Variants in NAV1 observed in about 807,000 individuals in gnomAD.
NAV1 encodes the protein pore membrane and/or filament interacting like protein 3.
NAV1 carries 18 observed loss-of-function variants against 175.2 expected under a neutral mutation model. That is an observed-to-expected ratio of 0.10 (90% CI 0.07 to 0.15). The LOEUF is 0.15. NAV1 is among the 10% of genes least tolerant of loss of function. The probability of loss-of-function intolerance (pLI) is 1.00; values close to 1 mark genes in which losing one functional copy is unlikely to be tolerated. For missense variants in NAV1, 1,731 were observed against 2,436.6 expected (o/e 0.71, Z 6.10); for synonymous variants, 897 against 978.7 (o/e 0.92, Z 1.56).
chr1:201,806,573 A>C (rs949117005), intron 17 of NAV1, among the ~76,000 whole-genome samples: 5 of 152,154 alleles, frequency 3.3e-5, no homozygotes, highest in Non-Finnish European at 2.9e-5. Flanking sequence ...CTATGGAGAA[A>C]ACTTCACTGG....
At chr1:201,570,857 C>A (rs1412057592) in intron 1 of NAV1, among the ~76,000 whole-genome samples, 2 of 152,264 alleles carry the variant, frequency 1.3e-5, no homozygotes, top group East Asian at 1.9e-4. Context: ...TCAGGCCTGA[C>A]AACATGGCCT....
chr1:201,605,013 C>T (rs937647470), intron 2 of NAV1, among the ~76,000 whole-genome samples: 1 of 152,048 alleles, frequency 6.6e-6, no homozygotes, highest in Non-Finnish European at 1.5e-5. Context: ...GTAAACACAG[C>T]TATGCAAATA....
intron 1 of NAV1, among the ~76,000 whole-genome samples, chr1:201,586,754 G>A (rs1667040537): frequency 6.6e-6 from 1 of 152,130 alleles, no homozygotes; most frequent in Non-Finnish European, 1.5e-5. Context: ...GGGCCCCACT[G>A]ATATGATCTC....
intron 1 of NAV1, among the ~76,000 whole-genome samples, chr1:201,703,017 C>T (rs970904073): frequency 1.3e-5 from 2 of 152,150 alleles, no homozygotes; most frequent in Non-Finnish European, 2.9e-5. Context: ...GTGTCACAAC[C>T]AGAAATCCCC....
At chr1:201,792,021 C>T (rs1374623085) in intron 13 of NAV1, 1 of 152,072 alleles carries the variant, frequency 6.6e-6, no homozygotes. Context: ...ATGTCTGATT[C>T]ATTTACACTG....
intron 1 of NAV1, among the ~76,000 whole-genome samples, chr1:201,697,312 TC>T (rs1671233550): frequency 6.6e-6 from 1 of 152,044 alleles, no homozygotes; most frequent in Non-Finnish European, 1.5e-5. Context: ...ATAAGAACCC[TC>T]CAGGGAGGCA....
Sources: allele counts gnomAD v4.1 joint callset (sites outside exome capture counted in the v4.1 genomes callset), GRCh38; gene constraint gnomAD v4.1.1; transcripts MANE v1.5; gene names NCBI Gene and HGNC (gene_info 2026-07-23, HGNC 2026-07-21).